NWD1: variants seen among roughly 807,000 people sequenced by gnomAD.
NWD1 encodes NACHT and WD repeat domain containing 1, also known as NACHT domain- and WD repeat-containing protein 1.
In NWD1, 129 loss-of-function variants were observed where a neutral mutation model predicts 135.1. The observed-to-expected ratio is 0.96, with a 90% CI of 0.83 to 1.11. The LOEUF (loss-of-function observed/expected upper bound fraction) is 1.11, where lower values mean the gene tolerates loss of function less well. Among genes scored for constraint, NWD1 ranks in the 50% least tolerant of loss-of-function variants. The pLI, the probability that NWD1 is intolerant of heterozygous loss-of-function variation, is 0.00. For missense variants in NWD1, 1,740 were observed against 1,851.3 expected (o/e 0.94, Z 1.10); for synonymous variants, 773 against 786.0 (o/e 0.98, Z 0.28).
chr19:16,810,892 G>A (rs1044443521), intron 18 of NWD1, among the ~76,000 whole-genome samples: 17 of 152,012 alleles, frequency 1.1e-4, no homozygotes, highest in African/African-American at 3.9e-4. Context: ...TTGAGGCAGG[G>A]TCTTACTCTG....
chr19:16,775,044 A>G (rs1969551095), intron 11 of NWD1, among the ~76,000 whole-genome samples: 2 of 152,084 alleles, frequency 1.3e-5, no homozygotes, highest in Non-Finnish European at 2.9e-5. Context: ...ACAATCTCTC[A>G]CACTGATTGT....
intron 6 of NWD1, among the ~76,000 whole-genome samples, chr19:16,754,774 C>T (rs1271178823): frequency 2.0e-5 from 3 of 149,302 alleles, no homozygotes; most frequent in Non-Finnish European, 4.4e-5. Flanking sequence ...ATCCATCCAC[C>T]CACCTATCAT....
intron 16 of NWD1, among the ~76,000 whole-genome samples, chr19:16,799,450 T>C (rs923134154): frequency 6.6e-6 from 1 of 152,130 alleles, no homozygotes; most frequent in African/African-American, 2.4e-5. Context: ...CGCCTCAGCC[T>C]TCCAAAGTGC....
chr19:16,778,941 C>T (rs1969758755), intron 11 of NWD1, among the ~76,000 whole-genome samples: 1 of 152,174 alleles, frequency 6.6e-6, no homozygotes, highest in African/African-American at 2.4e-5. Flanking sequence ...ATGGGGTTGT[C>T]ATGCGTTGCT....
intron 12 of NWD1, 86 bp downstream of exon 12, chr19:16,779,551 T>G (rs1969783446): frequency 1.5e-6 from 2 of 1,292,712 alleles, no homozygotes; most frequent in Non-Finnish European, 2.2e-6. Context: ...TTCACTTCTC[T>G]GTATTGAAAC....
rs1301504350 is a variant in NWD1, at chr19:16,741,867, T to C, written c.199-2554T>C. On this transcript the variant is annotated intron_variant, in intron 4 of 18. Coordinates refer to ENST00000524140, the MANE Select transcript of NWD1 (RefSeq NM_001007525.5). ...GGCTCCTGCCTGTAATCCCAGAACG[T>C]TGGGAGGCTGAGGTGGGCAGATTAT... Among the ~76,000 whole-genome samples, 3 of 152,010 alleles carry C rather than the reference T, an allele frequency of 2.0e-5. No homozygotes were observed. In the East Asian group the frequency reaches 5.8e-4, roughly 29 times the overall value.
chr19:16,742,023 G>A (rs1020241315), intron 4 of NWD1, among the ~76,000 whole-genome samples: 5 of 152,028 alleles, frequency 3.3e-5, no homozygotes, highest in African/African-American at 1.2e-4. Context: ...AGGTTGCAGT[G>A]AGCTGAGATT....
chr19:16,791,609 G>A lies in NWD1; in HGVS notation c.3200G>A (p.Gly1067Asp), dbSNP rs770216491. 1 of 1,614,106 alleles carries A rather than the reference G, an allele frequency of 6.2e-7. No individual in the cohort carries two copies. Among genetic ancestry groups the A allele is most frequent in the Non-Finnish European group, 8.5e-7 (1 of 1,180,000 alleles). ...QGKLVTGFSN[G>D]SISLVSSKGD... is the part of the protein sequence containing the mutation. ...AAGCTTGTTACCGGGTTTAGCAATG[G>A]CTCCATCTCTTTGGTAAGCACCTTT... Residue 1067 changes from glycine to aspartate, a missense_variant, in exon 14 of 19, where the codon GGC becomes GAC. Coordinates refer to ENST00000524140, the MANE Select transcript of NWD1 (RefSeq NM_001007525.5).
At chr19:16,807,280 GGTTGGGA>G (rs1970777201) in intron 17 of NWD1, among the ~76,000 whole-genome samples, 1 of 151,876 alleles carries the variant, frequency 6.6e-6, no homozygotes, top group African/African-American at 2.4e-5. Context: ...GATCACCTGA[GGTTGGGA>G]GTTAGAGACC....
At chr19:16,740,816 G>A (rs1160523565) in intron 4 of NWD1, among the ~76,000 whole-genome samples, 4 of 151,966 alleles carry the variant, frequency 2.6e-5, no homozygotes, top group Non-Finnish European at 2.9e-5. Flanking sequence ...TCCAAGTGTG[G>A]TTCTGGCATT....
chr19:16,731,267 T>C lies in NWD1; in HGVS notation c.70T>C (p.Leu24=). The C allele has an allele frequency of 6.5e-7, 1 of 1,529,864 alleles. No individual in the cohort carries two copies. Among genetic ancestry groups the C allele is most frequent in the Non-Finnish European group, 8.8e-7 (1 of 1,141,150 alleles). The allele number at this position is 1,529,864 out of a possible 1,614,324, so 94.8% of individuals were successfully genotyped here. Residue 24 remains leucine (L), a synonymous_variant, in exon 3 of 19, where the codon TTG becomes CTG. Transcript: ENST00000524140. Reference sequence around the variant, plus strand: ...CCAGACCTTCTGCCAGAGGCACGGCTTGATGTTTGAGGTAACTGGAAGTCA... The same window carrying C: ...CCAGACCTTCTGCCAGAGGCACGGCCTGATGTTTGAGGTAACTGGAAGTCA... ...KCQTFCQRHG[L]MFEVVDLRWG...
At chr19:16,733,745 T>C (rs1967675299) in intron 3 of NWD1, among the ~76,000 whole-genome samples, 1 of 152,138 alleles carries the variant, frequency 6.6e-6, no homozygotes, top group African/African-American at 2.4e-5. Flanking sequence ...TTAATGCCCA[T>C]GCCCGTCCTC....
intron 17 of NWD1, among the ~76,000 whole-genome samples, chr19:16,804,053 T>C (rs555309532): frequency 1.2e-4 from 19 of 152,332 alleles, no homozygotes; most frequent in African/African-American, 4.6e-4. Flanking sequence ...ACCTAGAAGC[T>C]GAATCTGTGA....
chr19:16,744,724 G>A lies in NWD1; in HGVS notation c.496+6G>A. Reference sequence around the variant, plus strand: ...GCAGCACTACCACCGGTCAGGTGAGGCCGCAGGGACTCCCCTCTGGAGACC... The same window carrying A: ...GCAGCACTACCACCGGTCAGGTGAGACCGCAGGGACTCCCCTCTGGAGACC... On this transcript the variant is annotated splice_donor_region_variant and intron_variant, in intron 5 of 18. Transcript: ENST00000524140. 1 of 1,534,932 alleles carries A rather than the reference G, an allele frequency of 6.5e-7. No individual in the cohort carries two copies. The highest frequency in any genetic ancestry group is 8.7e-7 in the Non-Finnish European group (1 of 1,145,926).
intron 3 of NWD1, among the ~76,000 whole-genome samples, chr19:16,735,085 T>C (rs554762485): frequency 6.6e-6 from 1 of 152,226 alleles, no homozygotes; most frequent in East Asian, 1.9e-4. Flanking sequence ...AATAAACTTC[T>C]GAATTTGGAA....
At chr19:16,812,493 A>G (rs1481821041) in intron 18 of NWD1, among the ~76,000 whole-genome samples, 3 of 151,544 alleles carry the variant, frequency 2.0e-5, no homozygotes, top group African/African-American at 4.9e-5. Context: ...ACATGGTGAA[A>G]CCCCATTTCT....
chr19:16,749,264 G>A lies in NWD1; in HGVS notation c.622G>A (p.Val208Met). Residue 208 changes from valine (V) to methionine (M), a missense_variant, in exon 6 of 19, where the codon GTG becomes ATG. Coordinates refer to ENST00000524140, the MANE Select transcript of NWD1 (RefSeq NM_001007525.5). The part of the protein sequence containing the change: ...HILEDCALRM[V>M]DRLADGCLDA... Reference sequence around the variant, plus strand: ...CCTTGAAGACTGCGCCCTTAGGATGGTGGACCGGCTCGCGGATGGCTGCCT... The same window carrying A: ...CCTTGAAGACTGCGCCCTTAGGATGATGGACCGGCTCGCGGATGGCTGCCT... 1 of 1,614,146 alleles carries A rather than the reference G, an allele frequency of 6.2e-7. No individual in the cohort carries two copies.
intron 4 of NWD1, among the ~76,000 whole-genome samples, chr19:16,743,787 A>G (rs900762135): frequency 5.9e-5 from 9 of 151,836 alleles, no homozygotes; most frequent in Non-Finnish European, 1.2e-4. Flanking sequence ...GGTTCAAGCA[A>G]TTCTCCTGCC....
Position 16,815,567 on chromosome 19 carries a change from C to T in NWD1, c.*528C>T. 1 of 477,214 alleles carries T rather than the reference C, an allele frequency of 2.1e-6. No individual in the cohort carries two copies. 29.6% of individuals were successfully genotyped at this position (477,214 alleles called of 1,614,324 possible). A position where few individuals can be genotyped will look rare whatever the true frequency, so the allele number is the denominator to read the frequency against. On this transcript the variant is annotated 3_prime_UTR_variant, in exon 19 of 19. Transcript: ENST00000524140. Reference sequence around the variant, plus strand: ...ATGGTGGCCAATATGCTGCTGTCTCCAATTTCAATAGAAAAGAGAGCTTCT... The same window carrying T: ...ATGGTGGCCAATATGCTGCTGTCTCTAATTTCAATAGAAAAGAGAGCTTCT...
Sources: gnomAD v4.1 joint callset for allele counts (sites outside exome capture counted in the v4.1 genomes callset) on GRCh38, gnomAD v4.1.1 for gene constraint, MANE v1.5 for transcripts, NCBI Gene and HGNC (gene_info 2026-07-23, HGNC 2026-07-21) for gene names.